MYO3B: variants seen among roughly 807,000 people sequenced by gnomAD.
MYO3B encodes the protein myosin IIIB.
A neutral mutation model predicts 174.6 loss-of-function variants in MYO3B; 156 were observed. That is an observed-to-expected ratio of 0.89 (90% CI 0.78 to 1.02). The LOEUF (loss-of-function observed/expected upper bound fraction) is 1.02, where lower values mean the gene tolerates loss of function less well. Ranked by LOEUF, MYO3B falls within the 50% of genes least tolerant of loss-of-function variation. The probability of loss-of-function intolerance (pLI) is 0.00; values close to 1 mark genes in which losing one functional copy is unlikely to be tolerated. For synonymous variants in MYO3B, 563 were observed against 569.1 expected (o/e 0.99, Z 0.15); for missense variants, 1,632 against 1,639.4 (o/e 1.00, Z 0.08).
chr2:170,300,625 A>AT (rs2093659677), intron 7 of MYO3B, among the ~76,000 whole-genome samples: 1 of 152,108 alleles, frequency 6.6e-6, no homozygotes, highest in Non-Finnish European at 1.5e-5. Flanking sequence ...TTTTCTCTTC[A>AT]TTTTTGGGCT....
At chr2:170,624,627 C>T (rs1024202921) in intron 32 of MYO3B, among the ~76,000 whole-genome samples, 6 of 152,186 alleles carry the variant, frequency 3.9e-5, no homozygotes, top group Non-Finnish European at 7.3e-5. Context: ...TGAGAGAGGG[C>T]ATCCTTGTCT....
chr2:170,411,821 G>C (rs1469116805), intron 22 of MYO3B: 3 of 152,098 alleles, frequency 2.0e-5, no homozygotes, highest in African/African-American at 4.8e-5. Flanking sequence ...CTTACACCTG[G>C]CTGCATCTGG....
chr2:170,586,973 C>T (rs189040600), intron 32 of MYO3B, among the ~76,000 whole-genome samples: 3 of 152,268 alleles, frequency 2.0e-5, no homozygotes, highest in Admixed American at 6.5e-5. Context: ...GAACTCAATT[C>T]GTATGGATTT....
At chr2:170,559,338 C>T (rs993960364) in intron 32 of MYO3B, among the ~76,000 whole-genome samples, 1 of 152,152 alleles carries the variant, frequency 6.6e-6, no homozygotes, top group African/African-American at 2.4e-5. Context: ...AAGGGGTTGA[C>T]CAGTTAGCTC....
At chr2:170,595,574 G>A (rs551744749) in intron 32 of MYO3B, among the ~76,000 whole-genome samples, 47 of 152,206 alleles carry the variant, frequency 3.1e-4, no homozygotes, top group African/African-American at 1.1e-3. Context: ...GAGTAGCTGG[G>A]ACCAGGTACA....
chr2:170,549,357 A>G (rs551163669), intron 32 of MYO3B, among the ~76,000 whole-genome samples: 2 of 152,294 alleles, frequency 1.3e-5, no homozygotes, highest in East Asian at 1.9e-4. Flanking sequence ...TTGGCAAAGC[A>G]CACTGTTGGG....
chr2:170,368,838 T>G (rs2094217875), intron 8 of MYO3B, among the ~76,000 whole-genome samples: 1 of 152,206 alleles, frequency 6.6e-6, no homozygotes, highest in African/African-American at 2.4e-5. Context: ...TAGTATTTAA[T>G]TCTACGTATT....
chr2:170,184,496 A>G (rs2092439560), intron 1 of MYO3B, among the ~76,000 whole-genome samples: 1 of 152,152 alleles, frequency 6.6e-6, no homozygotes. Context: ...AGTTTCATCC[A>G]TGTTGTTGCA....
At chr2:170,339,822 G>A (rs2093966533) in intron 8 of MYO3B, among the ~76,000 whole-genome samples, 1 of 152,150 alleles carries the variant, frequency 6.6e-6, no homozygotes, top group Non-Finnish European at 1.5e-5. Flanking sequence ...GCTTAGTTAT[G>A]ATAAATTAAA....
At chr2:170,235,050 G>A (rs1006293728) in intron 6 of MYO3B, among the ~76,000 whole-genome samples, 1 of 152,154 alleles carries the variant, frequency 6.6e-6, no homozygotes, top group African/African-American at 2.4e-5. Context: ...AAGACATTAT[G>A]ATGGCCTAAG....
chr2:170,386,294 G>T, intron 13 of MYO3B, 22 bp downstream of exon 13: 5 of 1,598,580 alleles, frequency 3.1e-6, no homozygotes, highest in African/African-American at 1.3e-5. Context: ...TCTGCTTTAC[G>T]TATTGTGGCG....
rs920372991 is a variant in MYO3B, at chr2:170,206,331, C to T, written c.321+6047C>T. ...CCCTCAGCAGAGTTCACCCTTCCTT[C>T]TTTGGTGCCACCACACTTCCTTAGG... On this transcript the variant is annotated intron_variant, in intron 3 of 34. Transcript: ENST00000408978. The surrounding 1 kb of genome is among the most constrained non-coding windows in gnomAD (Gnocchi z 4.3). Among the ~76,000 whole-genome samples, 4 of 152,174 alleles carry T rather than the reference C, an allele frequency of 2.6e-5. No homozygotes were observed. Among genetic ancestry groups the T allele is most frequent in the Non-Finnish European group, 4.4e-5 (3 of 68,020 alleles).
chr2:170,362,400 T>A (rs1490066208), intron 8 of MYO3B, among the ~76,000 whole-genome samples: 1 of 152,176 alleles, frequency 6.6e-6, no homozygotes, highest in Admixed American at 6.5e-5. Flanking sequence ...AAGATCAGGC[T>A]CACTTGTTTA....
chr2:170,444,141 C>T (rs968633209), intron 23 of MYO3B, 95 bp downstream of exon 23: 18 of 1,034,216 alleles, frequency 1.7e-5, no homozygotes, highest in South Asian at 1.5e-4. Flanking sequence ...TCCCTTCTAG[C>T]AGCCCTCTGC....
At chr2:170,519,605 A>C in intron 30 of MYO3B, 65 bp downstream of exon 30, 1 of 1,240,996 alleles carries the variant, frequency 8.1e-7, no homozygotes, top group South Asian at 1.2e-5. Context: ...TGGATAATGA[A>C]ATGGTAATGG....
intron 32 of MYO3B, among the ~76,000 whole-genome samples, chr2:170,647,246 G>T (rs956255616): frequency 6.6e-6 from 1 of 152,112 alleles, no homozygotes; most frequent in Admixed American, 6.6e-5. Flanking sequence ...AGCTTAAACG[G>T]CTTTAAAGAA....
intron 30 of MYO3B, among the ~76,000 whole-genome samples, chr2:170,532,816 CAAAA>C (rs35190722): frequency 1.2e-5 from 1 of 85,282 alleles, no homozygotes; most frequent in Admixed American, 1.3e-4. Context: ...AACTCTGTCT[CAAAA>C]AAAAAAAAAA....
At position 170,402,945 on chromosome 2, in the gene MYO3B, A is replaced by C. The variant is rs2094487448; in HGVS notation, c.2227A>C (p.Asn743His). The change falls in exon 19 of 35, where the codon AAT becomes CAT. Residue 743 changes from asparagine (N) to histidine (H), a missense_variant. Coordinates refer to ENST00000408978, the MANE Select transcript of MYO3B (RefSeq NM_138995.5). ...TGAGCAGCTCTGCATAAACATCGCC[A>C]ATGAGCAAATCCAGTACTATTTCAA... ...SFEQLCINIA[N>H]EQIQYYFNQH... 1 of 1,610,820 alleles carries C rather than the reference A, an allele frequency of 6.2e-7. No individual in the cohort carries two copies. Among genetic ancestry groups the C allele is most frequent in the African/African-American group, 1.3e-5 (1 of 74,930 alleles).
intron 7 of MYO3B, among the ~76,000 whole-genome samples, chr2:170,307,103 T>C (rs2093705790): frequency 6.6e-6 from 1 of 151,740 alleles, no homozygotes; most frequent in African/African-American, 2.4e-5. Context: ...ATTAGCTGAG[T>C]GTGATCGTGC....
Sources: gnomAD v4.1 joint callset for allele counts (sites outside exome capture counted in the v4.1 genomes callset) on GRCh38, gnomAD v4.1.1 for gene constraint, Gnocchi (gnomAD v3.1) non-coding constraint, MANE v1.5 for transcripts, NCBI Gene and HGNC (gene_info 2026-07-23, HGNC 2026-07-21) for gene names.